AKR1C8: variants seen among roughly 807,000 people sequenced by gnomAD.
AKR1C8 encodes aldo-keto reductase family 1 member C8.
At chr10:5,121,643 C>G in the AKR1C8 span, among the ~76,000 whole-genome samples, 1 of 152,076 alleles carries the variant, frequency 6.6e-6, no homozygotes, top group Admixed American at 6.6e-5. Flanking sequence ...ATTTACCTAC[C>G]TGGGCCCATC....
the AKR1C8 span, among the ~76,000 whole-genome samples, chr10:5,127,222 A>T: frequency 0.3 from 44,045 of 144,470 alleles, 7,107 homozygotes; most frequent in Non-Finnish European, 0.36. Flanking sequence ...ATTTTTTTTT[A>T]AAAAAATTCA....
the AKR1C8 span, chr10:5,122,205 G>C: frequency 3.1e-6 from 1 of 319,652 alleles, no homozygotes; most frequent in African/African-American, 2.3e-5. Flanking sequence ...CCTTTCCCAG[G>C]ACAGCAGCTT....
chr10:5,143,730 A>G, the AKR1C8 span, among the ~76,000 whole-genome samples: 3 of 148,064 alleles, frequency 2.0e-5, no homozygotes, highest in Non-Finnish European at 4.5e-5. Context: ...TATTATATAT[A>G]ATATCTATAT....
chr10:5,157,416 G>A, the AKR1C8 span, among the ~76,000 whole-genome samples: 3 of 152,324 alleles, frequency 2.0e-5, no homozygotes, highest in Admixed American at 1.3e-4. Context: ...TTTGCTTAGT[G>A]TCAACCAACT....
At chr10:5,160,221 C>A in the AKR1C8 span, among the ~76,000 whole-genome samples, 1 of 152,100 alleles carries the variant, frequency 6.6e-6, no homozygotes, top group Non-Finnish European at 1.5e-5. Context: ...CTCATAACAG[C>A]AAGTAGACAT....
chr10:5,142,205 C>T, the AKR1C8 span, among the ~76,000 whole-genome samples: 2 of 152,110 alleles, frequency 1.3e-5, no homozygotes, highest in Non-Finnish European at 2.9e-5. Context: ...CCTCTATGAG[C>T]CTTCATACAC....
chr10:5,123,807 G>A, the AKR1C8 span: 3 of 1,612,112 alleles, frequency 1.9e-6, no homozygotes, highest in South Asian at 1.1e-5. Flanking sequence ...GTTGAGGTAA[G>A]GATGACATTC....
chr10:5,178,277 T>G, the AKR1C8 span, among the ~76,000 whole-genome samples: 1 of 152,178 alleles, frequency 6.6e-6, no homozygotes. Context: ...AGTTTCCATG[T>G]AGTTGAGCAG....
chr10:5,121,902 C>A, the AKR1C8 span, among the ~76,000 whole-genome samples: 1 of 151,982 alleles, frequency 6.6e-6, no homozygotes, highest in Non-Finnish European at 1.5e-5. Flanking sequence ...ACTTACAGAC[C>A]AACATTCCTG....
the AKR1C8 span, chr10:5,154,081 A>C: frequency 2.2e-6 from 1 of 454,426 alleles, no homozygotes; most frequent in Non-Finnish European, 4.6e-6. Context: ...AAATACTGAA[A>C]TCCTCTCTCT....
At chr10:5,172,888 A>T in the AKR1C8 span, among the ~76,000 whole-genome samples, 2 of 152,142 alleles carry the variant, frequency 1.3e-5, no homozygotes, top group South Asian at 4.1e-4. Flanking sequence ...TCTAGTAGTT[A>T]TAAGATTTAC....
the AKR1C8 span, among the ~76,000 whole-genome samples, chr10:5,176,552 T>G: frequency 1.3e-5 from 2 of 150,902 alleles, no homozygotes; most frequent in African/African-American, 4.9e-5. Flanking sequence ...GCATTGAATC[T>G]ATAAATTACC....
At chr10:5,177,292 A>G in the AKR1C8 span, among the ~76,000 whole-genome samples, 23 of 151,888 alleles carry the variant, frequency 1.5e-4, no homozygotes, top group Admixed American at 4.6e-4. Context: ...ATTGATTTGC[A>G]TATATTGAAC....
At chr10:5,127,862 G>A in the AKR1C8 span, among the ~76,000 whole-genome samples, 5 of 151,892 alleles carry the variant, frequency 3.3e-5, no homozygotes, top group African/African-American at 1.2e-4. Context: ...ACTTACCTGA[G>A]AGAATAATTG....
chr10:5,143,972 T>A, the AKR1C8 span, among the ~76,000 whole-genome samples: 1 of 152,040 alleles, frequency 6.6e-6, no homozygotes, highest in Non-Finnish European at 1.5e-5. Context: ...TTCTTAGAGA[T>A]GCATAAACTA....
chr10:5,170,176 T>C, the AKR1C8 span, among the ~76,000 whole-genome samples: 1 of 152,118 alleles, frequency 6.6e-6, no homozygotes, highest in Non-Finnish European at 1.5e-5. Flanking sequence ...TGCTGAAACA[T>C]CTGGTTTTCG....
At chr10:5,138,541 G>A in the AKR1C8 span, among the ~76,000 whole-genome samples, 1 of 152,092 alleles carries the variant, frequency 6.6e-6, no homozygotes. Context: ...CAATCAATGT[G>A]TACACTTAAC....
the AKR1C8 span, chr10:5,157,613 A>G: frequency 2.1e-6 from 1 of 466,762 alleles, no homozygotes; most frequent in Non-Finnish European, 4.5e-6. Context: ...CTCACTCTGG[A>G]GCGACTCTGC....
the AKR1C8 span, among the ~76,000 whole-genome samples, chr10:5,181,584 A>G: frequency 2.0e-5 from 3 of 152,182 alleles, no homozygotes; most frequent in East Asian, 3.9e-4. Context: ...ATCACTTGAC[A>G]TATTTAAATA....
Sources: gnomAD v4.1 joint callset for allele counts (sites outside exome capture counted in the v4.1 genomes callset) on GRCh38, gnomAD v4.1.1 for gene constraint, MANE v1.5 for transcripts, NCBI Gene and HGNC (gene_info 2026-07-23, HGNC 2026-07-21) for gene names.